FMN1: variants seen among roughly 807,000 people sequenced by gnomAD.
The protein encoded by FMN1 is formin-1.
FMN1 carries 110 observed loss-of-function variants against 132.4 expected under a neutral mutation model. The ratio of observed to expected loss-of-function variants is 0.83; its 90% CI spans 0.71 to 0.97. The LOEUF is 0.97. Ranked by LOEUF, FMN1 falls within the 50% of genes least tolerant of loss-of-function variation. The pLI, the probability that FMN1 is intolerant of heterozygous loss-of-function variation, is 0.00. For synonymous variants in FMN1, 722 were observed against 651.7 expected (o/e 1.11, Z -1.64); for missense variants, 1,792 against 1,705.3 (o/e 1.05, Z -0.90).
intron 10 of FMN1, among the ~76,000 whole-genome samples, chr15:32,921,916 A>G (rs915380781): frequency 6.6e-6 from 1 of 151,840 alleles, no homozygotes; most frequent in African/African-American, 2.4e-5. Context: ...CAAGCAATCC[A>G]CCTGCCTTGG....
chr15:33,146,628 G>A (rs143286092), intron 4 of FMN1, among the ~76,000 whole-genome samples: 14 of 152,144 alleles, frequency 9.2e-5, no homozygotes, highest in East Asian at 3.9e-4. Flanking sequence ...CTGAGCTGCC[G>A]GGGCACACAG....
At chr15:32,800,479 G>A (rs1337711529) in intron 18 of FMN1, among the ~76,000 whole-genome samples, 1 of 152,128 alleles carries the variant, frequency 6.6e-6, no homozygotes, top group East Asian at 1.9e-4. Flanking sequence ...AAAACCAAAT[G>A]TACACTCTAT....
intron 17 of FMN1, among the ~76,000 whole-genome samples, chr15:32,828,478 A>AT (rs2058424357): frequency 6.6e-6 from 1 of 151,404 alleles, no homozygotes; most frequent in Admixed American, 6.6e-5. Flanking sequence ...TTGAAATGTG[A>AT]TTTTGTAATT....
chr15:32,873,933 T>A (rs1423614066), intron 16 of FMN1, among the ~76,000 whole-genome samples: 1 of 152,128 alleles, frequency 6.6e-6, no homozygotes, highest in African/African-American at 2.4e-5. Context: ...CATTCAATTA[T>A]TCCTAGATTA....
chr15:33,189,788 C>T (rs551826779), intron 2 of FMN1, among the ~76,000 whole-genome samples: 7 of 152,176 alleles, frequency 4.6e-5, no homozygotes, highest in African/African-American at 9.7e-5. Flanking sequence ...GAATTTAAGT[C>T]TTCTGTATTA....
intron 6 of FMN1, among the ~76,000 whole-genome samples, chr15:33,055,303 C>G (rs1054503231): frequency 3.9e-5 from 6 of 152,100 alleles, no homozygotes; most frequent in African/African-American, 1.4e-4. Flanking sequence ...ACCTGGAAGT[C>G]CCCCCACCCC....
At chr15:33,069,991 CTCTTTTT>C (rs1277667286) in intron 5 of FMN1, among the ~76,000 whole-genome samples, 1 of 59,554 alleles carries the variant, frequency 1.7e-5, no homozygotes, top group African/African-American at 4.9e-5. Flanking sequence ...ATCAGTCTTT[CTCTTTTT>C]TTTTTTTTTT....
At chr15:33,054,365 A>AT (rs1005031517) in intron 6 of FMN1, among the ~76,000 whole-genome samples, 1 of 152,014 alleles carries the variant, frequency 6.6e-6, no homozygotes, top group African/African-American at 2.4e-5. Flanking sequence ...AAAAGGTTAG[A>AT]TTTTTTTCAT....
In FMN1 at chr15:33,067,860, C is replaced by G. The variant is rs748074516; in HGVS notation, c.2044-2786G>C. The G allele has an allele frequency of 3.7e-6, 6 of 1,612,024 alleles. No homozygotes were observed. In the Admixed American group the frequency reaches 1.0e-4, roughly 27 times the overall value. ...GCTGGTTCTGACACATCACTGCCAT[C>G]CAGAGAATTATCAACGTTCTCCATG... On this transcript the variant is annotated intron_variant, in intron 5 of 20. Transcript: ENST00000616417.
At chr15:32,840,816 A>G (rs569656820) in intron 17 of FMN1, among the ~76,000 whole-genome samples, 1 of 152,320 alleles carries the variant, frequency 6.6e-6, no homozygotes, top group East Asian at 1.9e-4. Context: ...TGGACAACTG[A>G]AATACCGAAA....
chr15:33,141,643 C>T (rs1043332756), intron 4 of FMN1, among the ~76,000 whole-genome samples: 1 of 152,096 alleles, frequency 6.6e-6, no homozygotes, highest in Admixed American at 6.6e-5. Context: ...TTCAGAACTG[C>T]CCTACAAAAG....
In FMN1 at chr15:32,969,165, C is replaced by G; in HGVS notation, c.2536G>C (p.Asp846His). ...SSLSQLSPPN[D>H]HKDIHAALQP... ...AGTGCTGCATGGATGTCTTTGTGGTCATTTGGGGGTGAGAGCTGGCTTAAA... is the reference window on the plus strand; with the variant it reads ...AGTGCTGCATGGATGTCTTTGTGGTGATTTGGGGGTGAGAGCTGGCTTAAA... The change falls in exon 8 of 21, where the codon GAC (aspartate) becomes CAC (histidine). Residue 846 changes from aspartate (D) to histidine (H), a missense_variant. Transcript: ENST00000616417. The G allele has an allele frequency of 6.2e-7, 1 of 1,613,718 alleles. No homozygotes were observed. The highest frequency in any genetic ancestry group is 8.5e-7 in the Non-Finnish European group (1 of 1,179,854).
intron 4 of FMN1, among the ~76,000 whole-genome samples, chr15:33,112,047 TAAC>T (rs1034281859): frequency 3.9e-4 from 60 of 152,326 alleles, no homozygotes; most frequent in African/African-American, 9.9e-4. Flanking sequence ...ACTGTAGTGT[TAAC>T]AAAGTTTTTG....
At chr15:32,777,001 A>T in intron 19 of FMN1, 82 bp from the exon 20 acceptor site, 3 of 812,760 alleles carry the variant, frequency 3.7e-6, no homozygotes, top group Non-Finnish European at 6.0e-6. Context: ...GAGTTAAGGC[A>T]GGTTAAACAT....
chr15:33,079,301 C>T (rs549598320), intron 5 of FMN1, among the ~76,000 whole-genome samples: 1 of 152,306 alleles, frequency 6.6e-6, no homozygotes, highest in East Asian at 1.9e-4. Flanking sequence ...AATAATTTAG[C>T]CAAGCTTTTT....
intron 9 of FMN1, among the ~76,000 whole-genome samples, chr15:32,960,762 G>T (rs780597449): frequency 2.0e-5 from 3 of 152,010 alleles, no homozygotes; most frequent in Non-Finnish European, 4.4e-5. Context: ...TTGGGAGGGT[G>T]AGGTGGGCAG....
At chr15:32,792,370 G>T (rs536693436) in intron 19 of FMN1, among the ~76,000 whole-genome samples, 1 of 151,688 alleles carries the variant, frequency 6.6e-6, no homozygotes, top group Non-Finnish European at 1.5e-5. Flanking sequence ...GCATGAACCC[G>T]GAAGGTGGAG....
intron 5 of FMN1, among the ~76,000 whole-genome samples, chr15:33,084,567 G>A (rs1324899928): frequency 5.9e-5 from 9 of 152,134 alleles, no homozygotes; most frequent in Non-Finnish European, 1.3e-4. Context: ...GGAATTGCTT[G>A]TTATGAAAAA....
chr15:32,989,747 T>C (rs1009210875), intron 7 of FMN1, among the ~76,000 whole-genome samples: 1 of 152,096 alleles, frequency 6.6e-6, no homozygotes, highest in Non-Finnish European at 1.5e-5. Flanking sequence ...GTTAGGATGA[T>C]GGGAACAGGA....
Sources: gnomAD v4.1 joint callset for allele counts (sites outside exome capture counted in the v4.1 genomes callset) on GRCh38, gnomAD v4.1.1 for gene constraint, MANE v1.5 for transcripts, NCBI Gene and HGNC (gene_info 2026-07-23, HGNC 2026-07-21) for gene names.